Variants in ADGRE1 observed in about 807,000 individuals in gnomAD.
The protein encoded by ADGRE1 is EGF-like module receptor 1.
A neutral mutation model predicts 102.7 loss-of-function variants in ADGRE1; 82 were observed. The observed-to-expected ratio is 0.80, with a 90% CI of 0.67 to 0.96. The LOEUF (loss-of-function observed/expected upper bound fraction) is 0.96, where lower values mean the gene tolerates loss of function less well. Among genes scored for constraint, ADGRE1 ranks in the 40% least tolerant of loss-of-function variants. ADGRE1 has a pLI of 0.00. For missense variants in ADGRE1, 1,032 were observed against 1,085.3 expected (o/e 0.95, Z 0.69); for synonymous variants, 398 against 399.6 (o/e 1.00, Z 0.05).
intron 1 of ADGRE1, among the ~76,000 whole-genome samples, chr19:6,889,428 C>T (rs902270546): frequency 2.0e-5 from 3 of 151,970 alleles, no homozygotes; most frequent in South Asian, 2.1e-4. Flanking sequence ...CAGTGGCTCA[C>T]GCTTGTAATC....
chr19:6,937,211 A>G, intron 18 of ADGRE1, 32 bp from the exon 19 acceptor site: 1 of 1,596,040 alleles, frequency 6.3e-7, no homozygotes, highest in Non-Finnish European at 8.6e-7. Context: ...GCCACCTCCC[A>G]GAGCCTTACA....
intron 10 of ADGRE1, among the ~76,000 whole-genome samples, chr19:6,912,804 CT>C (rs556733443): frequency 1.1e-4 from 17 of 152,316 alleles, no homozygotes; most frequent in African/African-American, 4.1e-4. Context: ...CCTTGCACAA[CT>C]TTTAAGTATT....
At chr19:6,919,096 G>A (rs896914510) in intron 12 of ADGRE1, among the ~76,000 whole-genome samples, 8 of 151,952 alleles carry the variant, frequency 5.3e-5, no homozygotes, top group Non-Finnish European at 7.4e-5. Flanking sequence ...GCAGTGGTGC[G>A]ATCTCGGCTC....
At position 6,889,438 on chromosome 19, in the gene ADGRE1, C is replaced by G. The variant is rs1022250717; in HGVS notation, c.32-1043C>G. Among the ~76,000 whole-genome samples the G allele has an allele frequency of 5.9e-5, 9 of 151,874 alleles. No individual in the cohort carries two copies. The East Asian group carries it at 1.7e-3, about 29-fold the overall frequency. On this transcript the variant is annotated intron_variant, in intron 1 of 20. Coordinates refer to ENST00000312053, the MANE Select transcript of ADGRE1 (RefSeq NM_001974.5). ...GGGCGCAGTGGCTCACGCTTGTAAT[C>G]CCAGCACTTTAGGAGGCTGAGGCAG...
chr19:6,904,174 G>C lies in ADGRE1; in HGVS notation c.941G>C (p.Ser314Thr). 1.2e-6 allele frequency: 2 copies of C among 1,613,926 alleles called. No individual in the cohort carries two copies. The highest frequency in any genetic ancestry group is 1.7e-6 in the Non-Finnish European group (2 of 1,180,010). The part of the protein sequence containing the change: ...PEGSQKDGNF[S>T]CQRVLFKCKE... ...GGCTCCCAGAAAGATGGCAACTTCA[G>C]CTGCCAAAGTAATAATCTCTTTGTA... Residue 314 changes from serine (S) to threonine (T), a missense_variant, in exon 8 of 21, where the codon AGC becomes ACC. Coordinates refer to ENST00000312053, the MANE Select transcript of ADGRE1 (RefSeq NM_001974.5).
At chr19:6,909,372 A>T (rs1204039622) in intron 10 of ADGRE1, among the ~76,000 whole-genome samples, 1 of 152,092 alleles carries the variant, frequency 6.6e-6, no homozygotes, top group Non-Finnish European at 1.5e-5. Flanking sequence ...TTATAGTCAG[A>T]TACTCCCTCC....
intron 15 of ADGRE1, among the ~76,000 whole-genome samples, chr19:6,925,297 A>G (rs900459917): frequency 2.0e-5 from 3 of 152,000 alleles, no homozygotes; most frequent in Non-Finnish European, 4.4e-5. Flanking sequence ...ATTTTTTTGT[A>G]TTTTTAGTAG....
chr19:6,910,295 A>T (rs538508269), intron 10 of ADGRE1, among the ~76,000 whole-genome samples: 14 of 152,036 alleles, frequency 9.2e-5, no homozygotes, highest in African/African-American at 3.4e-4. Flanking sequence ...AAATATTCCA[A>T]TTCCCCCCTC....
chr19:6,890,792 A>G (rs1376670379), intron 2 of ADGRE1, among the ~76,000 whole-genome samples: 4 of 152,184 alleles, frequency 2.6e-5, no homozygotes, highest in Admixed American at 2.0e-4. Context: ...TGAAATACAG[A>G]TAACAATAGG....
chr19:6,887,718 T>A, intron 1 of ADGRE1, 79 bp downstream of exon 1: 2 of 1,491,412 alleles, frequency 1.3e-6, no homozygotes, highest in Non-Finnish European at 1.8e-6. Context: ...GGGCCATGGA[T>A]GGTCCAGCCA....
intron 5 of ADGRE1, chr19:6,898,813 A>G (rs113987408): frequency 3.2e-5 from 14 of 431,794 alleles, no homozygotes; most frequent in African/African-American, 1.6e-4. Context: ...GTAAAAATAT[A>G]TAGTTGCCTA....
At chr19:6,930,361 AGATGAT>A (rs1204756894) in intron 17 of ADGRE1, among the ~76,000 whole-genome samples, 5 of 152,216 alleles carry the variant, frequency 3.3e-5, no homozygotes, top group Non-Finnish European at 7.3e-5. Flanking sequence ...CAGCCCTGCC[AGATGAT>A]GATTCTTCTG....
chr19:6,899,309 C>T lies in ADGRE1; in HGVS notation c.514+1762C>T, dbSNP rs183290794. 1.4e-3 allele frequency among the ~76,000 whole-genome samples: 208 copies of T among 152,274 alleles called. 1 individual carries two copies. Among genetic ancestry groups the T allele is most frequent in the African/African-American group, 4.9e-3 (203 of 41,546 alleles). ...GGAAGAGGTCAGAGATGCTGCTAAA[C>T]ATCCTATAATGCACCGAAAGGCCCC... On this transcript the variant is annotated intron_variant, in intron 5 of 20. Transcript: ENST00000312053.
At chr19:6,892,209 A>G (rs1019191923) in intron 2 of ADGRE1, among the ~76,000 whole-genome samples, 2 of 152,238 alleles carry the variant, frequency 1.3e-5, no homozygotes, top group Non-Finnish European at 2.9e-5. Context: ...CTGAGGCCTC[A>G]TGCAGGGAAG....
At chr19:6,900,896 C>A (rs1430119711) in intron 5 of ADGRE1, among the ~76,000 whole-genome samples, 1 of 152,186 alleles carries the variant, frequency 6.6e-6, no homozygotes, top group East Asian at 1.9e-4. Context: ...GCGCTTGATT[C>A]CATGAGTTGA....
At chr19:6,891,794 A>G (rs569663471) in intron 2 of ADGRE1, among the ~76,000 whole-genome samples, 15 of 152,214 alleles carry the variant, frequency 9.9e-5, no homozygotes, top group Non-Finnish European at 1.9e-4. Flanking sequence ...ATGGTTGGGA[A>G]AATTTTCTCA....
At chr19:6,937,837 T>C (rs1975490853) in intron 20 of ADGRE1, among the ~76,000 whole-genome samples, 189 bp downstream of exon 20, 1 of 152,082 alleles carries the variant, frequency 6.6e-6, no homozygotes, top group African/African-American at 2.4e-5. Flanking sequence ...ACACACATTA[T>C]CTATCTCTCT....
At chr19:6,889,873 T>G (rs28509272) in intron 1 of ADGRE1, among the ~76,000 whole-genome samples, 21,925 of 151,790 alleles carry the variant, frequency 0.14, 2,753 homozygotes, top group African/African-American at 0.34. Context: ...CCTTAGAGGA[T>G]ATATCACCCC....
At chr19:6,923,679 C>T (rs370854551) in intron 14 of ADGRE1, among the ~76,000 whole-genome samples, 51 of 151,876 alleles carry the variant, frequency 3.4e-4, no homozygotes, top group African/African-American at 9.4e-4. Context: ...TACAGGTGCC[C>T]GCCACCATGC....
Sources: gnomAD v4.1 joint callset for allele counts (sites outside exome capture counted in the v4.1 genomes callset) on GRCh38, gnomAD v4.1.1 for gene constraint, MANE v1.5 for transcripts, NCBI Gene and HGNC (gene_info 2026-07-23, HGNC 2026-07-21) for gene names.